Variants in OR6J1 observed in about 807,000 individuals in gnomAD.
OR6J1 encodes olfactory receptor 6J1.
For synonymous variants in OR6J1, 109 were observed against 70.0 expected, an observed-to-expected ratio of 1.56 and a Z score of -2.78; for missense variants, 304 against 166.8, an observed-to-expected ratio of 1.82 and a Z score of -4.53.
chr14:22,640,416 A>T (rs2037636702), intron 1 of OR6J1, among the ~76,000 whole-genome samples: 1 of 150,488 alleles, frequency 6.6e-6, no homozygotes. Context: ...ATAAATCATG[A>T]TATGCTCACA....
intron 1 of OR6J1, among the ~76,000 whole-genome samples, chr14:22,637,283 G>A (rs1201104845): frequency 1.5e-5 from 1 of 65,910 alleles, no homozygotes; most frequent in East Asian, 4.0e-4. Flanking sequence ...AGGGAGGTGG[G>A]GGGGGTCAGC....
intron 1 of OR6J1, among the ~76,000 whole-genome samples, chr14:22,637,732 T>G (rs1363736655): frequency 1.4e-4 from 7 of 50,596 alleles, no homozygotes; most frequent in South Asian, 6.4e-4. Flanking sequence ...GGGAGGGAGG[T>G]GGGGGGATCA....
chr14:22,639,255 G>A, intron 1 of OR6J1, among the ~76,000 whole-genome samples: 1 of 125,518 alleles, frequency 8.0e-6, no homozygotes, highest in South Asian at 2.3e-4. Flanking sequence ...CCCCCCGCCA[G>A]GCCAGCCGCC....
rs1442386547 is a variant in OR6J1 at position 22,638,908 on chromosome 14, A to G, written c.-27-4070T>C. Among the ~76,000 whole-genome samples the G allele has an allele frequency of 3.5e-5, 4 of 115,692 alleles. 1 individual carries two copies. The highest frequency in any genetic ancestry group is 4.2e-5 in the African/African-American group (1 of 23,656). 75.9% of individuals were successfully genotyped at this position (115,692 alleles called of 152,430 possible). On this transcript the variant is annotated intron_variant, in intron 1 of 1. Coordinates refer to ENST00000540461, the MANE Select transcript of OR6J1 (RefSeq NM_001348233.2). ...CCTCTTCCCAGCCGCCATCACATCTAGGAAGTGAGGAGCGTCTCTGCCCGG... is the reference window on the plus strand; with the variant it reads ...CCTCTTCCCAGCCGCCATCACATCTGGGAAGTGAGGAGCGTCTCTGCCCGG...
chr14:22,637,613 C>T (rs1249250104), intron 1 of OR6J1, among the ~76,000 whole-genome samples: 7 of 67,818 alleles, frequency 1.0e-4, no homozygotes, highest in Non-Finnish European at 1.2e-4. Context: ...CCTGGCCAGC[C>T]GCCCCATCCG....
In OR6J1 at chr14:22,634,803, G is replaced by T. The variant is rs1348831784; in HGVS notation, c.9C>A (p.Asn3Lys). MG[N>K]WTAAVTEFVL... Reference sequence around the variant, plus strand: ...CAAACTCAGTCACCGCTGCAGTCCAGTTACCCATGGGCCTGGTGGGCCTGG... The same window carrying T: ...CAAACTCAGTCACCGCTGCAGTCCATTTACCCATGGGCCTGGTGGGCCTGG... The change falls in exon 2 of 2, where the codon AAC (asparagine) becomes AAA (lysine). Residue 3 changes from asparagine to lysine, a missense_variant. Asn to Lys is a moderately conservative substitution (Grantham distance 94, BLOSUM62 0). Coordinates refer to ENST00000540461, the MANE Select transcript of OR6J1 (RefSeq NM_001348233.2). 1 of 688,194 alleles carries T rather than the reference G, an allele frequency of 1.5e-6. No homozygotes were observed. Among genetic ancestry groups the T allele is most frequent in the Non-Finnish European group, 2.6e-6 (1 of 377,576 alleles). The allele number at this position is 688,194 out of a possible 1,614,324, so 42.6% of individuals were successfully genotyped here. A position where few individuals can be genotyped will look rare whatever the true frequency, so the allele number is the denominator to read the frequency against.
chr14:22,643,758 C>G (rs867715092), intron 1 of OR6J1, among the ~76,000 whole-genome samples: 2,276 of 59,484 alleles, frequency 0.038, 25 homozygotes, highest in African/African-American at 0.061. Context: ...CACACACACA[C>G]ACACACAGAG....
In OR6J1 at chr14:22,641,261, GAAA is replaced by G. The variant is rs2037645757; in HGVS notation, c.-28+2834_-28+2836del. On this transcript the variant is annotated intron_variant, in intron 1 of 1. Transcript: ENST00000540461. ...AGAAAGAAAGAAAGAAAGAAAGAAA[GAAA>G]GAAAGGAAGGAAGGAAGAAAGAGAA... 6.8e-4 allele frequency among the ~76,000 whole-genome samples: 75 copies of G among 109,864 alleles called. 5 individuals are homozygous for G. Among genetic ancestry groups the G allele is most frequent in the Admixed American group, 1.2e-3 (12 of 10,288 alleles). 72.1% of individuals were successfully genotyped at this position (109,864 alleles called of 152,430 possible).
chr14:22,632,974 T>C lies in OR6J1; in HGVS notation c.*794A>G, dbSNP rs1281323996. 6.6e-6 allele frequency: 1 copy of C among 152,248 alleles called. No individual in the cohort carries two copies. The highest frequency in any genetic ancestry group is 1.9e-4 in the East Asian group (1 of 5,204). 9.4% of individuals were successfully genotyped at this position (152,248 alleles called of 1,614,324 possible). A position where few individuals can be genotyped will look rare whatever the true frequency, so the allele number is the denominator to read the frequency against. On this transcript the variant is annotated 3_prime_UTR_variant, in exon 2 of 2. Coordinates refer to ENST00000540461, the MANE Select transcript of OR6J1 (RefSeq NM_001348233.2). ...GTGGCCACTCCAGCCACCAAGCCTA[T>C]TTCTGCTTCCAGGGGAAGCATCACA...
chr14:22,641,262 AAAGAAAGG>A lies in OR6J1; in HGVS notation c.-28+2828_-28+2835del, dbSNP rs1270472493. The stretch of plus-strand genomic sequence containing the variant: ...GAAAGAAAGAAAGAAAGAAAGAAAG[AAAGAAAGG>A]AAGGAAGGAAGAAAGAGAAGAAAGA... On this transcript the variant is annotated intron_variant, in intron 1 of 1. Transcript: ENST00000540461. Among the ~76,000 whole-genome samples, 890 of 111,486 alleles carry A rather than the reference AAAGAAAGG, an allele frequency of 8.0e-3. 55 individuals are homozygous for A. Among genetic ancestry groups the A allele is most frequent in the African/African-American group, 0.021 (643 of 30,020 alleles). The allele number at this position is 111,486 out of a possible 152,430, so 73.1% of individuals were successfully genotyped here.
chr14:22,639,837 A>C (rs2037629192), intron 1 of OR6J1, among the ~76,000 whole-genome samples: 1 of 118,996 alleles, frequency 8.4e-6, no homozygotes, highest in Non-Finnish European at 1.7e-5. Flanking sequence ...AATCAGGGAC[A>C]CAAACACTGC....
At chr14:22,642,350 T>C (rs2037658979) in intron 1 of OR6J1, among the ~76,000 whole-genome samples, 1 of 122,584 alleles carries the variant, frequency 8.2e-6, no homozygotes, top group Admixed American at 8.5e-5. Flanking sequence ...TATATATATA[T>C]ATATTTGAGA....
rs1390018724 is a variant in OR6J1 at position 22,641,467 on chromosome 14, AAAAG to A, written c.-28+2627_-28+2630del. Among the ~76,000 whole-genome samples the A allele has an allele frequency of 0.02, 825 of 41,832 alleles. 32 individuals carry two copies. The East Asian group carries it at 0.2, about 10-fold the overall frequency. The allele number at this position is 41,832 out of a possible 152,430, so 27.4% of individuals were successfully genotyped here. Reference sequence around the variant, plus strand: ...AGAGAGAGAAAGAAAGAAAGAAAGAAAAAGAAAGAAAGGAAGGAAGGAAGGAGGG... The same window carrying A: ...AGAGAGAGAAAGAAAGAAAGAAAGAAAAAGAAAGGAAGGAAGGAAGGAGGG... On this transcript the variant is annotated intron_variant, in intron 1 of 1. Transcript: ENST00000540461.
intron 1 of OR6J1, among the ~76,000 whole-genome samples, chr14:22,639,205 G>C (rs377156635): frequency 8.3e-6 from 1 of 120,480 alleles, no homozygotes; most frequent in Non-Finnish European, 1.6e-5. Context: ...GTCTCCGCCC[G>C]GCAGCCACCC....
chr14:22,638,680 A>T (rs909479193), intron 1 of OR6J1, among the ~76,000 whole-genome samples: 2 of 75,988 alleles, frequency 2.6e-5, no homozygotes, highest in African/African-American at 2.2e-4. Flanking sequence ...AAAAATAAAA[A>T]AAATTAAGAC....
rs372200102 is a variant in OR6J1 at position 22,637,045 on chromosome 14, G to C, written c.-27-2207C>G. On this transcript the variant is annotated intron_variant, in intron 1 of 1. Transcript: ENST00000540461. ...CCCGGCCGCCCATGTCTGAGATGTG[G>C]GGAGCACCTCTGCCCCGCCGCCCTG... Among the ~76,000 whole-genome samples the C allele has an allele frequency of 4.6e-4, 56 of 122,804 alleles. No homozygotes were observed. In the East Asian group the frequency reaches 0.011, roughly 23 times the overall value. 80.6% of individuals were successfully genotyped at this position (122,804 alleles called of 152,430 possible). A position where few individuals can be genotyped will look rare whatever the true frequency, so the allele number is the denominator to read the frequency against.
At chr14:22,641,435 G>A (rs2037650109) in intron 1 of OR6J1, among the ~76,000 whole-genome samples, 1 of 65,114 alleles carries the variant, frequency 1.5e-5, no homozygotes, top group African/African-American at 1.3e-4. Context: ...AAGAAAGAAA[G>A]AATGAAAGAG....
chr14:22,638,792 C>T (rs2037617025), intron 1 of OR6J1, among the ~76,000 whole-genome samples: 1 of 144,636 alleles, frequency 6.9e-6, no homozygotes, highest in Admixed American at 6.7e-5. Context: ...ATTTACACTG[C>T]TAGGTGAGGA....
At position 22,634,413 on chromosome 14, in the gene OR6J1, G is replaced by A. The variant is rs1232032720; in HGVS notation, c.399C>T (p.Thr133=). Residue 133 remains threonine, a synonymous_variant, in exon 2 of 2, where the codon ACC becomes ACT. Transcript: ENST00000540461. ...CAATGCAGACAGAAGGTCTCATGAT[G>A]GTGGTGTACCGCAGGGGGCAGCAGA... ...ATICCPLRYT[T]IMRPSVCIGT... 1.4e-6 allele frequency: 1 copy of A among 703,352 alleles called. No homozygotes were observed. Among genetic ancestry groups the A allele is most frequent in the African/African-American group, 1.7e-5 (1 of 57,240 alleles). The allele number at this position is 703,352 out of a possible 1,614,324, so 43.6% of individuals were successfully genotyped here. A position where few individuals can be genotyped will look rare whatever the true frequency, so the allele number is the denominator to read the frequency against.
Sources: allele counts gnomAD v4.1 joint callset (sites outside exome capture counted in the v4.1 genomes callset), GRCh38; gene constraint gnomAD v4.1.1; transcripts MANE v1.5; gene names NCBI Gene and HGNC (gene_info 2026-07-23, HGNC 2026-07-21).